The following IMMP2L variants were observed in gnomAD, a reference collection of about 807,000 sequenced individuals.
IMMP2L encodes the protein inner mitochondrial membrane peptidase subunit 2, also known as mitochondrial inner membrane protease subunit 2.
IMMP2L carries 18 observed loss-of-function variants against 19.3 expected under a neutral mutation model. The ratio of observed to expected loss-of-function variants is 0.93; its 90% CI spans 0.64 to 1.38. The LOEUF is 1.38. Among genes scored for constraint, IMMP2L ranks in the 40% most tolerant of loss-of-function variants. IMMP2L has a pLI of 0.00. For synonymous variants in IMMP2L, 76 were observed against 73.0 expected (o/e 1.04, Z -0.21); for missense variants, 233 against 218.2 (o/e 1.07, Z -0.43).
intron 3 of IMMP2L, among the ~76,000 whole-genome samples, chr7:111,008,835 G>A (rs1824594600): frequency 6.6e-6 from 1 of 151,998 alleles, no homozygotes; most frequent in Non-Finnish European, 1.5e-5. Context: ...GATACAATAT[G>A]GGCTAGTCTT....
chr7:110,919,261 A>G (rs189332703), intron 4 of IMMP2L, among the ~76,000 whole-genome samples: 7 of 152,286 alleles, frequency 4.6e-5, no homozygotes, highest in Admixed American at 3.9e-4. Context: ...TTAATTTCTG[A>G]TTGACTTTTC....
chr7:110,962,867 C>T, intron 4 of IMMP2L: 1 of 1,316,190 alleles, frequency 7.6e-7, no homozygotes. Context: ...GGCCTGGCTA[C>T]AACTTGTTTA....
chr7:111,325,403 G>A (rs538712400), intron 3 of IMMP2L, among the ~76,000 whole-genome samples: 44 of 151,450 alleles, frequency 2.9e-4, no homozygotes, highest in African/African-American at 9.4e-4. Flanking sequence ...GTGAAAGCGC[G>A]CAAAATAAAT....
chr7:111,428,942 G>C (rs1046621625), intron 3 of IMMP2L, among the ~76,000 whole-genome samples: 1 of 151,794 alleles, frequency 6.6e-6, no homozygotes, highest in Non-Finnish European at 1.5e-5. Flanking sequence ...AATACACAGA[G>C]TTTTGACAAA....
intron 3 of IMMP2L, among the ~76,000 whole-genome samples, chr7:111,308,567 G>A (rs1584550305): frequency 6.6e-6 from 1 of 151,870 alleles, no homozygotes; most frequent in Middle Eastern, 3.4e-3. Context: ...TACAGACAGT[G>A]AACTACTACA....
At chr7:111,081,442 G>C (rs1020801441) in intron 3 of IMMP2L, among the ~76,000 whole-genome samples, 1 of 152,102 alleles carries the variant, frequency 6.6e-6, no homozygotes, top group Non-Finnish European at 1.5e-5. Context: ...CTAGATTTTA[G>C]ACATGCTAGC....
At chr7:111,281,938 G>T (rs37752) in intron 3 of IMMP2L, among the ~76,000 whole-genome samples, 80,772 of 151,892 alleles carry the variant, frequency 0.53, 21,808 homozygotes, top group South Asian at 0.71. Context: ...AATAAATGTA[G>T]CATAATTGTT....
At chr7:111,258,868 A>T (rs1159985468) in intron 3 of IMMP2L, among the ~76,000 whole-genome samples, 1 of 152,148 alleles carries the variant, frequency 6.6e-6, no homozygotes, top group Non-Finnish European at 1.5e-5. Context: ...ATACTTAAGT[A>T]CTGAATGACC....
intron 3 of IMMP2L, among the ~76,000 whole-genome samples, chr7:111,308,437 A>T (rs773010287): frequency 6.6e-6 from 1 of 151,998 alleles, no homozygotes; most frequent in Admixed American, 6.6e-5. Context: ...TGAAAAAACA[A>T]GCAGTTACAA....
intron 3 of IMMP2L, among the ~76,000 whole-genome samples, chr7:111,355,780 C>A (rs1252062426): frequency 6.6e-6 from 1 of 151,860 alleles, no homozygotes; most frequent in Non-Finnish European, 1.5e-5. Context: ...GGAGAACATA[C>A]AATTAGTCTA....
At chr7:111,243,375 G>T (rs1372052845) in intron 3 of IMMP2L, among the ~76,000 whole-genome samples, 1 of 152,002 alleles carries the variant, frequency 6.6e-6, no homozygotes, top group Admixed American at 6.6e-5. Flanking sequence ...AAATTCCCAA[G>T]CTGTTGAAAT....
At chr7:111,010,113 T>G (rs887109727) in intron 3 of IMMP2L, among the ~76,000 whole-genome samples, 4 of 152,082 alleles carry the variant, frequency 2.6e-5, no homozygotes, top group African/African-American at 9.7e-5. Flanking sequence ...TCCCATAGAT[T>G]TTACAGGCAA....
chr7:110,960,893 C>T (rs1457436723), intron 4 of IMMP2L, among the ~76,000 whole-genome samples: 2 of 151,804 alleles, frequency 1.3e-5, no homozygotes, highest in African/African-American at 4.8e-5. Context: ...AGTTATCTCA[C>T]CCAAAAAGAG....
intron 2 of IMMP2L, among the ~76,000 whole-genome samples, chr7:111,505,809 G>A (rs1275584828): frequency 1.3e-5 from 2 of 151,990 alleles, no homozygotes; most frequent in South Asian, 4.2e-4. Context: ...ATCACACAGT[G>A]GGGACTGTTG....
intron 2 of IMMP2L, among the ~76,000 whole-genome samples, chr7:111,518,594 G>A (rs1721934403): frequency 1.3e-5 from 2 of 152,230 alleles, no homozygotes; most frequent in South Asian, 2.1e-4. Flanking sequence ...CAAAAATTCT[G>A]TTGAACCCCA....
intron 3 of IMMP2L, among the ~76,000 whole-genome samples, chr7:111,470,259 A>C (rs1400427930): frequency 6.6e-6 from 1 of 152,036 alleles, no homozygotes; most frequent in Admixed American, 6.6e-5. Context: ...AAATAGGAAC[A>C]CTTTTACACT....
chr7:111,214,331 C>T (rs214464), intron 3 of IMMP2L, among the ~76,000 whole-genome samples: 40,894 of 82,020 alleles, frequency 0.5, 10,652 homozygotes, highest in Non-Finnish European at 0.58. Context: ...AATTTTTCTT[C>T]TTTTTTTTTT....
chr7:110,980,559 T>C (rs779734226), intron 3 of IMMP2L, among the ~76,000 whole-genome samples: 2 of 152,086 alleles, frequency 1.3e-5, no homozygotes, highest in African/African-American at 4.8e-5. Flanking sequence ...TGTGAGCCAG[T>C]TGAGGAAAGA....
chr7:111,171,856 A>G lies in IMMP2L; in HGVS notation c.240-208291T>C, dbSNP rs527262525. ...ACATATATGTAATATAAGTAGATGT[A>G]TAATAGGTAAAAAAAGATAAAATAA... On this transcript the variant is annotated intron_variant, in intron 3 of 5. Coordinates refer to ENST00000405709, the MANE Select transcript of IMMP2L (RefSeq NM_032549.4). Among the ~76,000 whole-genome samples the G allele has an allele frequency of 4.0e-5, 6 of 151,528 alleles. No homozygotes were observed. In the South Asian group the frequency reaches 1.0e-3, roughly 26 times the overall value.
Sources: gnomAD v4.1 joint callset for allele counts (sites outside exome capture counted in the v4.1 genomes callset) on GRCh38, gnomAD v4.1.1 for gene constraint, MANE v1.5 for transcripts, NCBI Gene and HGNC (gene_info 2026-07-23, HGNC 2026-07-21) for gene names.